IQCB1: variants seen among roughly 807,000 people sequenced by gnomAD.
IQCB1 encodes IQ calmodulin-binding motif-containing protein 1.
A neutral mutation model predicts 84.4 loss-of-function variants in IQCB1; 56 were observed. That is an observed-to-expected ratio of 0.66 (90% confidence interval 0.54 to 0.83). The LOEUF is 0.83. Among genes scored for constraint, IQCB1 ranks in the 40% least tolerant of loss-of-function variants. The pLI, the probability that IQCB1 is intolerant of heterozygous loss-of-function variation, is 0.00. For missense variants in IQCB1, 629 were observed against 682.1 expected, an observed-to-expected ratio of 0.92 and a Z score of 0.87; for synonymous variants, 210 against 234.8, an observed-to-expected ratio of 0.89 and a Z score of 0.96.
chr3:121,824,735 T>C (rs909261999), intron 5 of IQCB1, among the ~76,000 whole-genome samples: 4 of 151,690 alleles, frequency 2.6e-5, no homozygotes, highest in Admixed American at 1.3e-4. Context: ...CAAAAACATA[T>C]AGAACTAAAG....
chr3:121,783,919 G>T (rs1948605172), intron 12 of IQCB1, among the ~76,000 whole-genome samples: 1 of 152,130 alleles, frequency 6.6e-6, no homozygotes, highest in Non-Finnish European at 1.5e-5. Flanking sequence ...CTTCAAATAT[G>T]TGACAATCTT....
intron 2 of IQCB1, among the ~76,000 whole-genome samples, chr3:121,829,337 T>A (rs182334557): frequency 6.6e-6 from 1 of 152,320 alleles, no homozygotes; most frequent in Admixed American, 6.5e-5. Flanking sequence ...AGAGCTAACA[T>A]GACAGGCCTA....
chr3:121,821,653 T>C (rs896803698), intron 5 of IQCB1, among the ~76,000 whole-genome samples: 1 of 152,196 alleles, frequency 6.6e-6, no homozygotes, highest in Non-Finnish European at 1.5e-5. Context: ...ACTTAATTTT[T>C]AAAAATAAGC....
chr3:121,832,303 T>C (rs1235381316), intron 2 of IQCB1, among the ~76,000 whole-genome samples: 2 of 151,082 alleles, frequency 1.3e-5, no homozygotes, highest in Non-Finnish European at 2.9e-5. Flanking sequence ...AATTTGACTA[T>C]GGGGTCTTTA....
intron 5 of IQCB1, among the ~76,000 whole-genome samples, chr3:121,814,106 G>T (rs1049947548): frequency 1.3e-5 from 2 of 152,186 alleles, no homozygotes; most frequent in Non-Finnish European, 2.9e-5. Context: ...TAGAACTCAG[G>T]ATTAAGAAAC....
intron 7 of IQCB1, among the ~76,000 whole-genome samples, chr3:121,801,357 ATACT>A (rs778080656): frequency 3.9e-5 from 6 of 152,024 alleles, no homozygotes; most frequent in African/African-American, 7.2e-5. Flanking sequence ...CTTTATATAG[ATACT>A]TACTTTTACT....
At chr3:121,813,788 C>T (rs4676755) in intron 5 of IQCB1, among the ~76,000 whole-genome samples, 97,530 of 151,666 alleles carry the variant, frequency 0.64, 31,817 homozygotes, top group African/African-American at 0.71. Context: ...TCTTAGAGAC[C>T]GACAAAGAGA....
Position 121,772,668 on chromosome 3 carries a change from C to T in IQCB1, c.1456G>A (p.Ala486Thr). 6.2e-7 allele frequency: 1 copy of T among 1,614,178 alleles called. No individual in the cohort carries two copies. The highest frequency in any genetic ancestry group is 1.1e-5 in the South Asian group (1 of 91,088). The change falls in exon 14 of 15, where the codon GCT (alanine) becomes ACT (threonine). Residue 486 changes from alanine (A) to threonine (T), a missense_variant. Coordinates refer to ENST00000310864, the MANE Select transcript of IQCB1 (RefSeq NM_001023570.4). ...AAGTAGTGTTGCAGTCGTTCTTGAG[C>T]TTGGGCATGGAGCTCCCTACTGACC... ...DVVSRELHAQAQERLQHYFMG... is the reference protein window; with the variant it reads ...DVVSRELHAQTQERLQHYFMG...
At chr3:121,834,682 G>C (rs987572032) in intron 1 of IQCB1, among the ~76,000 whole-genome samples, 1 of 152,158 alleles carries the variant, frequency 6.6e-6, no homozygotes, top group East Asian at 1.9e-4. Flanking sequence ...CAAGTCTAAG[G>C]ACCGAGATTC....
rs374034270 is a variant in IQCB1, at chr3:121,797,218, C to T, written c.776G>A (p.Arg259His). Residue 259 changes from arginine (R) to histidine (H), a missense_variant, in exon 9 of 15, where the codon CGT becomes CAT. Arg to His is a conservative substitution (Grantham distance 29, BLOSUM62 0). Coordinates refer to ENST00000310864, the MANE Select transcript of IQCB1 (RefSeq NM_001023570.4). ...CCCAGTTTCCTGTTTACTTAGTAGA[C>T]GTCTGAGTCCTGAAATGGAATAGCA... ...RQSTCYKGLR[R>H]LLSKQETGTE... 363 of 1,549,894 alleles carry T rather than the reference C, an allele frequency of 2.3e-4. 2 individuals carry two copies. In the South Asian group the frequency reaches 3.6e-3, roughly 16 times the overall value.
At chr3:121,775,798 G>T (rs1241309145) in intron 13 of IQCB1, among the ~76,000 whole-genome samples, 3 of 151,924 alleles carry the variant, frequency 2.0e-5, no homozygotes, top group Non-Finnish European at 1.5e-5. Flanking sequence ...TATTGAAAGG[G>T]TACAATTTGC....
chr3:121,828,323 A>G (rs1950523971), intron 4 of IQCB1, 147 bp downstream of exon 4: 1 of 660,368 alleles, frequency 1.5e-6, no homozygotes, highest in African/African-American at 1.8e-5. Context: ...TATGAATAAT[A>G]ACATATAATA....
At chr3:121,819,359 T>C (rs1950191828) in intron 5 of IQCB1, among the ~76,000 whole-genome samples, 1 of 152,134 alleles carries the variant, frequency 6.6e-6, no homozygotes, top group Non-Finnish European at 1.5e-5. Context: ...ATGTTACCGC[T>C]GATCTGACAG....
At chr3:121,827,051 C>T (rs1950487587) in intron 4 of IQCB1, among the ~76,000 whole-genome samples, 2 of 152,084 alleles carry the variant, frequency 1.3e-5, no homozygotes, top group African/African-American at 2.4e-5. Flanking sequence ...TGGGGTGGTA[C>T]ATATACACCA....
At chr3:121,793,946 G>A (rs554336332) in intron 10 of IQCB1, among the ~76,000 whole-genome samples, 1 of 152,010 alleles carries the variant, frequency 6.6e-6, no homozygotes, top group Admixed American at 6.6e-5. Context: ...CATGTATAAG[G>A]GTACCCTTAA....
intron 3 of IQCB1, 62 bp downstream of exon 3, chr3:121,828,799 G>A (rs1950538231): frequency 8.9e-7 from 1 of 1,129,494 alleles, no homozygotes. Flanking sequence ...TGTTAAAATT[G>A]TACCAACGAT....
intron 5 of IQCB1, 74 bp from the exon 6 acceptor site, chr3:121,809,083 C>T (rs2108595596): frequency 2.5e-6 from 2 of 805,610 alleles, no homozygotes; most frequent in Non-Finnish European, 4.1e-6. Flanking sequence ...GGAGACTTCT[C>T]TCTGGGGAGT....
chr3:121,794,139 TA>T (rs930885459), intron 10 of IQCB1, among the ~76,000 whole-genome samples: 27 of 148,416 alleles, frequency 1.8e-4, no homozygotes, highest in African/African-American at 3.9e-4. Flanking sequence ...GAAATGCTTT[TA>T]AAAAAAAAAC....
At chr3:121,822,233 T>G (rs1007165610) in intron 5 of IQCB1, among the ~76,000 whole-genome samples, 2 of 152,240 alleles carry the variant, frequency 1.3e-5, no homozygotes, top group Admixed American at 6.5e-5. Flanking sequence ...GCTTCCATAA[T>G]TGCCAATTCC....
Sources: allele counts gnomAD v4.1 joint callset (sites outside exome capture counted in the v4.1 genomes callset), GRCh38; gene constraint gnomAD v4.1.1; transcripts MANE v1.5; gene names NCBI Gene and HGNC (gene_info 2026-07-23, HGNC 2026-07-21).